The following PNO1 variants were observed in gnomAD, a reference collection of about 807,000 sequenced individuals.
PNO1 encodes the protein partner of NOB1 homolog.
In PNO1, 16 loss-of-function variants were observed where a neutral mutation model predicts 28.4. The observed-to-expected ratio is 0.56, with a 90% CI of 0.38 to 0.85. PNO1 has a LOEUF of 0.85. Among genes scored for constraint, PNO1 ranks in the 40% least tolerant of loss-of-function variants. The pLI, the probability that PNO1 is intolerant of heterozygous loss-of-function variation, is 0.00. For synonymous variants in PNO1, 115 were observed against 110.8 expected (o/e 1.04, Z -0.24); for missense variants, 304 against 312.2 (o/e 0.97, Z 0.20).
intron 5 of PNO1, among the ~76,000 whole-genome samples, chr2:68,164,216 A>G: frequency 6.6e-6 from 1 of 152,212 alleles, no homozygotes; most frequent in South Asian, 2.1e-4. Context: ...ATGGCCAAGC[A>G]TGGTGGCTCA....
At chr2:68,161,375 C>T (rs1673823657) in intron 2 of PNO1, 5 of 468,852 alleles carry the variant, frequency 1.1e-5, no homozygotes, top group Non-Finnish European at 2.1e-5. Context: ...AGAGGTTCTT[C>T]AGAATGGGAG....
At chr2:68,165,381 A>AACC (rs1673961339) in intron 5 of PNO1, among the ~76,000 whole-genome samples, 2 of 117,290 alleles carry the variant, frequency 1.7e-5, no homozygotes, top group African/African-American at 3.5e-5. Context: ...AAAAAAAAAC[A>AACC]ACAAAAAAAA....
chr2:68,162,019 G>C (rs947418723), intron 3 of PNO1, among the ~76,000 whole-genome samples: 2 of 152,034 alleles, frequency 1.3e-5, no homozygotes, highest in Admixed American at 1.3e-4. Context: ...CATGCCTGCA[G>C]TCCCAGCTAC....
At chr2:68,164,678 C>T (rs1268880151) in intron 5 of PNO1, among the ~76,000 whole-genome samples, 1 of 151,946 alleles carries the variant, frequency 6.6e-6, no homozygotes, top group Non-Finnish European at 1.5e-5. Flanking sequence ...ACACCTGTAG[C>T]CCTAGCTGCT....
intron 4 of PNO1, 56 bp from the exon 5 acceptor site, chr2:68,162,490 G>T: frequency 8.2e-7 from 1 of 1,222,760 alleles, no homozygotes; most frequent in Non-Finnish European, 1.2e-6. Flanking sequence ...ACTTTATGTG[G>T]AATGGGTGGT....
intron 5 of PNO1, among the ~76,000 whole-genome samples, chr2:68,166,398 A>AAG (rs1673998256): frequency 6.6e-6 from 1 of 152,180 alleles, no homozygotes; most frequent in South Asian, 2.1e-4. Context: ...TAGAGAAAAA[A>AAG]TGTTATTAAG....
At chr2:68,165,803 CTAGT>C (rs1222328553) in intron 5 of PNO1, among the ~76,000 whole-genome samples, 1 of 152,066 alleles carries the variant, frequency 6.6e-6, no homozygotes, top group African/African-American at 2.4e-5. Flanking sequence ...CTAAAATTTA[CTAGT>C]TAAACCAACG....
intron 6 of PNO1, among the ~76,000 whole-genome samples, chr2:68,173,844 G>A (rs746588418): frequency 6.6e-6 from 1 of 152,156 alleles, no homozygotes; most frequent in Admixed American, 6.5e-5. Flanking sequence ...GCCTCCCAAA[G>A]TGCTGGGATT....
At chr2:68,169,015 A>G (rs1307339419) in intron 5 of PNO1, among the ~76,000 whole-genome samples, 1 of 124,514 alleles carries the variant, frequency 8.0e-6, no homozygotes, top group African/African-American at 3.2e-5. Flanking sequence ...TGCAACCTCC[A>G]CCTCCCGGGT....
intron 5 of PNO1, 93 bp from the exon 6 acceptor site, chr2:68,173,254 T>G: frequency 2.6e-5 from 20 of 777,722 alleles, no homozygotes; most frequent in Non-Finnish European, 4.4e-5. Flanking sequence ...TGGCCACAAA[T>G]GATCTACCTG....
At chr2:68,158,318 C>T in intron 1 of PNO1, 62 bp from the exon 2 acceptor site, 1 of 1,502,712 alleles carries the variant, frequency 6.7e-7, no homozygotes, top group Non-Finnish European at 9.0e-7. Flanking sequence ...GATCAGATGT[C>T]ATTTTAAACT....
At chr2:68,174,671 G>A in intron 6 of PNO1, 64 bp from the exon 7 acceptor site, 3 of 1,095,684 alleles carry the variant, frequency 2.7e-6, no homozygotes, top group Non-Finnish European at 4.1e-6. Flanking sequence ...AGACACTGAG[G>A]GACAACTGTA....
At chr2:68,174,444 T>C (rs1226054806) in intron 6 of PNO1, among the ~76,000 whole-genome samples, 4 of 152,218 alleles carry the variant, frequency 2.6e-5, no homozygotes, top group South Asian at 4.1e-4. Flanking sequence ...AAAAAAAATA[T>C]ATAAAAATAA....
At position 68,170,984 on chromosome 2, in the gene PNO1, CCTTT is replaced by C. The variant is rs1391878309; in HGVS notation, c.621-2360_621-2357del. On this transcript the variant is annotated intron_variant, in intron 5 of 6. Transcript: ENST00000263657. ...CCTTACTTCCACTGCACACACTCAG[CCTTT>C]CTGTCACTCCGATTTATTCTTCTCT... 3.9e-5 allele frequency among the ~76,000 whole-genome samples: 6 copies of C among 152,324 alleles called. No individual in the cohort carries two copies. The South Asian group carries it at 6.2e-4, about 16-fold the overall frequency.
At chr2:68,166,908 C>T (rs1674009879) in intron 5 of PNO1, among the ~76,000 whole-genome samples, 1 of 152,162 alleles carries the variant, frequency 6.6e-6, no homozygotes, top group African/African-American at 2.4e-5. Flanking sequence ...TTGATTTCTC[C>T]GTGATCCATA....
intron 1 of PNO1, 97 bp downstream of exon 1, chr2:68,158,238 T>A: frequency 7.2e-7 from 1 of 1,395,662 alleles, no homozygotes; most frequent in Non-Finnish European, 9.8e-7. Flanking sequence ...GTGGGGCTGT[T>A]CTGCCGTGAT....
chr2:68,165,408 T>TG (rs1206962808), intron 5 of PNO1, among the ~76,000 whole-genome samples: 2 of 144,530 alleles, frequency 1.4e-5, no homozygotes, highest in African/African-American at 5.2e-5. Flanking sequence ...TAGCTGGGTG[T>TG]GGTGGCACAT....
chr2:68,173,572 T>A (rs1674188040), intron 6 of PNO1, among the ~76,000 whole-genome samples, 155 bp downstream of exon 6: 1 of 135,220 alleles, frequency 7.4e-6, no homozygotes, highest in Non-Finnish European at 1.5e-5. Context: ...GAGAAGGAAG[T>A]AGAATTTTTT....
chr2:68,165,158 A>G lies in PNO1; in HGVS notation c.620+2495A>G, dbSNP rs1673943916. On this transcript the variant is annotated intron_variant, in intron 5 of 6. Coordinates refer to ENST00000263657, the MANE Select transcript of PNO1 (RefSeq NM_020143.4). ...GGCGGGCGGATCACGAGGTCAGGAG[A>G]TCGAGACCATCCCGGCTAAAACGGT... 2.0e-5 allele frequency among the ~76,000 whole-genome samples: 3 copies of G among 151,712 alleles called. No homozygotes were observed. The South Asian group carries it at 6.3e-4, about 32-fold the overall frequency.
Sources: allele counts gnomAD v4.1 joint callset (sites outside exome capture counted in the v4.1 genomes callset), GRCh38; gene constraint gnomAD v4.1.1; transcripts MANE v1.5; gene names NCBI Gene and HGNC (gene_info 2026-07-23, HGNC 2026-07-21).